YPEL2: variants seen among roughly 807,000 people sequenced by gnomAD.
YPEL2 encodes yippee like 2.
YPEL2 carries 2 observed loss-of-function variants against 19.1 expected under a neutral mutation model. That is an observed-to-expected ratio of 0.10 (90% CI 0.04 to 0.33). The LOEUF is 0.33. YPEL2 is among the 10% of genes least tolerant of loss of function. The pLI is 1.00. For missense variants in YPEL2, 66 were observed against 140.7 expected, an observed-to-expected ratio of 0.47 and a Z score of 2.68; for synonymous variants, 52 against 50.0, an observed-to-expected ratio of 1.04 and a Z score of -0.17.
At chr17:59,358,946 T>TGC (rs918200879) in intron 2 of YPEL2, among the ~76,000 whole-genome samples, 1 of 125,430 alleles carries the variant, frequency 8.0e-6, no homozygotes, top group Admixed American at 9.1e-5. Flanking sequence ...TTTTTTGAGA[T>TGC]GAAGTCTTGC....
In YPEL2 at chr17:59,398,543, C is replaced by T. The variant is rs1002701066; in HGVS notation, c.*1353C>T. On this transcript the variant is annotated 3_prime_UTR_variant, in exon 5 of 5. Coordinates refer to ENST00000312655, the MANE Select transcript of YPEL2 (RefSeq NM_001005404.4). Reference sequence around the variant, plus strand: ...CCCCTTCCCCCATCCAAGCATCCTTCGATTAGGGAAGTGGAGAGCACATCC... The same window carrying T: ...CCCCTTCCCCCATCCAAGCATCCTTTGATTAGGGAAGTGGAGAGCACATCC... 2 of 152,048 alleles carry T rather than the reference C, an allele frequency of 1.3e-5. No individual in the cohort carries two copies. The highest frequency in any genetic ancestry group is 2.9e-5 in the Non-Finnish European group (2 of 68,026). The allele number at this position is 152,048 out of a possible 1,614,324, so 9.4% of individuals were successfully genotyped here. A position where few individuals can be genotyped will look rare whatever the true frequency, so the allele number is the denominator to read the frequency against.
chr17:59,369,537 C>G (rs2047886509), intron 2 of YPEL2, among the ~76,000 whole-genome samples: 2 of 152,218 alleles, frequency 1.3e-5, no homozygotes, highest in Non-Finnish European at 2.9e-5. Flanking sequence ...GGTCAGCACC[C>G]CACAAACAGT....
intron 3 of YPEL2, 103 bp from the exon 4 acceptor site, chr17:59,389,257 C>A: frequency 9.4e-7 from 1 of 1,067,848 alleles, no homozygotes. Flanking sequence ...GTTGGCTCCC[C>A]TTGGGACAGC....
intron 2 of YPEL2, among the ~76,000 whole-genome samples, chr17:59,373,238 A>C (rs949146308): frequency 3.3e-5 from 5 of 152,180 alleles, no homozygotes; most frequent in Non-Finnish European, 7.3e-5. Flanking sequence ...TATTCTCCGT[A>C]GGAAAGAGAT....
intron 1 of YPEL2, among the ~76,000 whole-genome samples, chr17:59,347,386 C>T (rs761481118): frequency 3.9e-5 from 6 of 152,138 alleles, no homozygotes; most frequent in African/African-American, 1.4e-4. Context: ...CTCAGCCTCC[C>T]GAAGTGTTGG....
intron 1 of YPEL2, among the ~76,000 whole-genome samples, chr17:59,349,300 A>G (rs1011402323): frequency 6.7e-6 from 1 of 149,528 alleles, no homozygotes; most frequent in Non-Finnish European, 1.5e-5. Flanking sequence ...CCCATCTCTC[A>G]GCTTGTTCCT....
chr17:59,332,899 TTGG>T (rs1344639334), intron 1 of YPEL2, among the ~76,000 whole-genome samples: 6 of 152,172 alleles, frequency 3.9e-5, no homozygotes, highest in Non-Finnish European at 2.9e-5. Context: ...GTCCTTGCCT[TTGG>T]TGAATCTGAA....
chr17:59,370,359 A>G (rs1424488816), intron 2 of YPEL2, among the ~76,000 whole-genome samples: 1 of 152,210 alleles, frequency 6.6e-6, no homozygotes. Flanking sequence ...CACTGCGCCC[A>G]GCCAGAATTT....
intron 4 of YPEL2, among the ~76,000 whole-genome samples, chr17:59,396,592 G>C (rs1021062216): frequency 2.6e-5 from 4 of 152,218 alleles, no homozygotes; most frequent in African/African-American, 9.6e-5. Flanking sequence ...GAAAGTCCTG[G>C]TGTTGCCTCA....
intron 4 of YPEL2, among the ~76,000 whole-genome samples, chr17:59,393,900 C>T (rs1408503434): frequency 6.6e-6 from 1 of 152,128 alleles, no homozygotes; most frequent in Non-Finnish European, 1.5e-5. Flanking sequence ...TGAAAAGTCT[C>T]CCATGTCTAC....
intron 2 of YPEL2, among the ~76,000 whole-genome samples, chr17:59,381,977 G>C (rs2047951731): frequency 6.6e-6 from 1 of 152,158 alleles, no homozygotes; most frequent in Non-Finnish European, 1.5e-5. Flanking sequence ...GTTGTGCCAG[G>C]CTGGGCTGGG....
chr17:59,337,379 T>C (rs901247698), intron 1 of YPEL2, among the ~76,000 whole-genome samples: 2 of 151,682 alleles, frequency 1.3e-5, no homozygotes, highest in Admixed American at 6.6e-5. Context: ...TTAGTAGAGA[T>C]GGGGTTTCAC....
rs1292398982 is a variant in YPEL2 at position 59,388,493 on chromosome 17, C to T, written c.161+123C>T. 1.2e-5 allele frequency: 11 copies of T among 955,452 alleles called. No individual in the cohort carries two copies. In the Admixed American group the frequency reaches 1.6e-4, roughly 14 times the overall value. 59.2% of individuals were successfully genotyped at this position (955,452 alleles called of 1,614,324 possible). On this transcript the variant is annotated intron_variant, in intron 3 of 4. Transcript: ENST00000312655. ...TCTGCCACAGTAAAACTCTGTGGAG[C>T]ATTACTGTCCACAATTGGTAGTCAG...
chr17:59,386,109 G>A (rs1377060459), intron 2 of YPEL2, among the ~76,000 whole-genome samples: 1 of 152,076 alleles, frequency 6.6e-6, no homozygotes, highest in East Asian at 1.9e-4. Context: ...GATTGTTTAA[G>A]CCTAGGAGTT....
intron 4 of YPEL2, among the ~76,000 whole-genome samples, chr17:59,392,485 C>CCTA (rs2048012227): frequency 6.6e-6 from 1 of 150,940 alleles, no homozygotes; most frequent in Non-Finnish European, 1.5e-5. Context: ...TCCGTCACCT[C>CCTA]CTATGTGCCA....
At chr17:59,335,331 A>AT in intron 1 of YPEL2, among the ~76,000 whole-genome samples, 1 of 152,202 alleles carries the variant, frequency 6.6e-6, no homozygotes, top group Middle Eastern at 3.4e-3. Flanking sequence ...ATGGCTTCCC[A>AT]TTGCCCTTCA....
intron 2 of YPEL2, among the ~76,000 whole-genome samples, chr17:59,368,673 A>G (rs1311843814): frequency 2.0e-5 from 3 of 152,172 alleles, no homozygotes; most frequent in Non-Finnish European, 4.4e-5. Flanking sequence ...GCTTTAGGGA[A>G]GCAGGTCAGG....
chr17:59,361,861 G>A (rs997566756), intron 2 of YPEL2, among the ~76,000 whole-genome samples: 2 of 152,190 alleles, frequency 1.3e-5, no homozygotes, highest in African/African-American at 4.8e-5. Context: ...AGTGTGCCTG[G>A]AAGCAGAAGC....
intron 1 of YPEL2, among the ~76,000 whole-genome samples, chr17:59,349,639 G>A (rs1019790103): frequency 6.6e-6 from 1 of 151,820 alleles, no homozygotes; most frequent in African/African-American, 2.4e-5. Flanking sequence ...ACCTTCCCCG[G>A]CCCCCACAGG....
Sources: gnomAD v4.1 joint callset for allele counts (sites outside exome capture counted in the v4.1 genomes callset) on GRCh38, gnomAD v4.1.1 for gene constraint, MANE v1.5 for transcripts, NCBI Gene and HGNC (gene_info 2026-07-23, HGNC 2026-07-21) for gene names.